MGST1: variants seen among roughly 807,000 people sequenced by gnomAD.
MGST1 encodes glutathione S-transferase 12.
Under a neutral mutation model 8.9 loss-of-function variants are expected in MGST1, and 5 were observed. The observed-to-expected ratio is 0.56, with a 90% confidence interval of 0.29 to 1.19. The LOEUF is 1.19. Ranked by LOEUF, MGST1 falls within the 50% of genes most tolerant of loss-of-function variation. The pLI, the probability that MGST1 is intolerant of heterozygous loss-of-function variation, is 0.08. For missense variants in MGST1, 182 were observed against 187.4 expected, an observed-to-expected ratio of 0.97 and a Z score of 0.17; for synonymous variants, 54 against 67.8, an observed-to-expected ratio of 0.80 and a Z score of 1.00.
chr12:16,499,411 T>G (rs963713164), intron 4 of MGST1, among the ~76,000 whole-genome samples: 4 of 152,188 alleles, frequency 2.6e-5, no homozygotes, highest in African/African-American at 4.8e-5. Flanking sequence ...CAGCACTGTG[T>G]GGGGAGCTTC....
At chr12:16,474,557 G>A (rs1223356278) in intron 4 of MGST1, among the ~76,000 whole-genome samples, 2 of 152,158 alleles carry the variant, frequency 1.3e-5, no homozygotes, top group Non-Finnish European at 2.9e-5. Flanking sequence ...ATTGTCTTAG[G>A]CCAGGTGGCT....
chr12:16,566,388 A>G (rs1223797581), intron 4 of MGST1, among the ~76,000 whole-genome samples: 1 of 151,982 alleles, frequency 6.6e-6, no homozygotes, highest in Admixed American at 6.6e-5. Flanking sequence ...TAAAATAGGT[A>G]GAAGAGAAGC....
At position 16,585,763 on chromosome 12, in the gene MGST1, A is replaced by G. The variant is rs1473440456; in HGVS notation, n.483-3765A>G. Among the ~76,000 whole-genome samples, 3 of 152,234 alleles carry G rather than the reference A, an allele frequency of 2.0e-5. No individual in the cohort carries two copies. Among genetic ancestry groups the G allele is most frequent in the Admixed American group, 6.5e-5 (1 of 15,280 alleles). On this transcript the variant is annotated intron_variant and non_coding_transcript_variant, in intron 4 of 4. Coordinates refer to the MGST1 transcript ENST00000538857. This position sits in a 1 kb window ranked among gnomAD's most constrained non-coding sequence, Gnocchi z 4.7. Reference sequence around the variant, plus strand: ...GGTGAGAAATTACAAAAGGCTGGAGAATCAATTAACATATATACTTCTAAA... The same window carrying G: ...GGTGAGAAATTACAAAAGGCTGGAGGATCAATTAACATATATACTTCTAAA...
At chr12:16,422,246 T>C (rs1306440611) in intron 1 of MGST1, among the ~76,000 whole-genome samples, 1 of 152,202 alleles carries the variant, frequency 6.6e-6, no homozygotes. Context: ...CTATAGTGTG[T>C]ATATGAATCT....
intron 4 of MGST1, among the ~76,000 whole-genome samples, chr12:16,568,869 T>G (rs2137414852): frequency 6.6e-6 from 1 of 152,326 alleles, no homozygotes; most frequent in Admixed American, 6.5e-5. Flanking sequence ...CAAAATTTTC[T>G]AACTGAAATC....
chr12:16,478,735 T>C (rs1941343471), intron 4 of MGST1, among the ~76,000 whole-genome samples: 1 of 152,096 alleles, frequency 6.6e-6, no homozygotes, highest in South Asian at 2.1e-4. Context: ...ATTTTGTCCT[T>C]ACCCCTCAAA....
intron 1 of MGST1, among the ~76,000 whole-genome samples, chr12:16,431,721 A>G (rs977204644): frequency 6.6e-6 from 1 of 152,182 alleles, no homozygotes. Flanking sequence ...GAGAATTATA[A>G]AAGTGTAACA....
rs1405747878 is a variant in MGST1, at chr12:16,555,988, C to G, written n.483-33540C>G. On this transcript the variant is annotated intron_variant and non_coding_transcript_variant, in intron 4 of 4. Coordinates refer to the MGST1 transcript ENST00000538857. This position sits in a 1 kb window ranked among gnomAD's most constrained non-coding sequence, Gnocchi z 5.5. ...GTATAGCTCTATTTAGCATCGATTA[C>G]ACTCTTCTGTGAGTCTTTGATGTCC... Among the ~76,000 whole-genome samples the G allele has an allele frequency of 2.6e-5, 4 of 152,154 alleles. No homozygotes were observed. Among genetic ancestry groups the G allele is most frequent in the African/African-American group, 9.7e-5 (4 of 41,436 alleles).
intron 4 of MGST1, among the ~76,000 whole-genome samples, chr12:16,543,580 CTATG>C (rs1055276699): frequency 2.0e-5 from 3 of 151,750 alleles, no homozygotes; most frequent in Non-Finnish European, 4.4e-5. Flanking sequence ...AACTTGAACA[CTATG>C]TATCAGACAT....
rs2137062748 is a variant in MGST1 at position 16,401,107 on chromosome 12, T to C, written n.778+17503T>C. On this transcript the variant is annotated intron_variant and non_coding_transcript_variant, in intron 1 of 1. Transcript: ENST00000359720. The surrounding 1 kb of genome is among the most constrained non-coding windows in gnomAD (Gnocchi z 4.3). ...TGCCTCATCTTTCTCCTCCTCCTCCTTTTCCTCATCTTCGTTCCTTAGGAA... is the reference window on the plus strand; with the variant it reads ...TGCCTCATCTTTCTCCTCCTCCTCCCTTTCCTCATCTTCGTTCCTTAGGAA... The C allele has an allele frequency of 6.3e-7, 1 of 1,582,142 alleles. No homozygotes were observed. The highest frequency in any genetic ancestry group is 1.1e-5 in the South Asian group (1 of 90,362).
chr12:16,479,117 T>C (rs1941346085), intron 4 of MGST1, among the ~76,000 whole-genome samples: 1 of 152,066 alleles, frequency 6.6e-6, no homozygotes, highest in South Asian at 2.1e-4. Flanking sequence ...CAGTATAGTA[T>C]AGGAGTATGT....
chr12:16,506,812 A>G (rs546719808), intron 4 of MGST1, among the ~76,000 whole-genome samples: 1 of 152,354 alleles, frequency 6.6e-6, no homozygotes, highest in South Asian at 2.1e-4. Context: ...CAATTTCAGC[A>G]TGTTATCTAG....
At chr12:16,357,439 T>TA in intron 2 of MGST1, 166 bp from the exon 3 acceptor site, 1 of 558,712 alleles carries the variant, frequency 1.8e-6, no homozygotes, top group Non-Finnish European at 3.1e-6. Context: ...AAATTTTTTT[T>TA]AAAAAAATTT....
intron 4 of MGST1, among the ~76,000 whole-genome samples, chr12:16,538,622 T>C (rs1941772073): frequency 6.6e-6 from 1 of 151,062 alleles, no homozygotes; most frequent in African/African-American, 2.4e-5. Flanking sequence ...TTTTTTTTTT[T>C]TTTTGAGACA....
chr12:16,573,114 C>A (rs1249841366), intron 4 of MGST1, among the ~76,000 whole-genome samples: 2 of 151,608 alleles, frequency 1.3e-5, no homozygotes, highest in African/African-American at 2.4e-5. Context: ...TAGGAGTAAG[C>A]CACTCAGTCA....
At chr12:16,583,416 T>C (rs1305697865) in intron 4 of MGST1, among the ~76,000 whole-genome samples, 3 of 152,152 alleles carry the variant, frequency 2.0e-5, no homozygotes, top group Non-Finnish European at 4.4e-5. Flanking sequence ...CAGCCATATG[T>C]TGACAGTCAA....
intron 3 of MGST1, among the ~76,000 whole-genome samples, chr12:16,358,812 G>C (rs1277534835): frequency 1.5e-5 from 1 of 68,044 alleles, no homozygotes; most frequent in East Asian, 6.3e-4. Flanking sequence ...TTTTTTTACA[G>C]CTGTGTAGTA....
chr12:16,492,243 GA>G (rs1941444026), intron 4 of MGST1, among the ~76,000 whole-genome samples: 1 of 152,076 alleles, frequency 6.6e-6, no homozygotes, highest in South Asian at 2.1e-4. Context: ...TCTTGCACCT[GA>G]AAAATAGTCA....
At chr12:16,506,904 T>A (rs1237040357) in intron 4 of MGST1, among the ~76,000 whole-genome samples, 1 of 152,206 alleles carries the variant, frequency 6.6e-6, no homozygotes, top group Non-Finnish European at 1.5e-5. Context: ...TCGGACAGGG[T>A]ACAAACAAGA....
Sources: allele counts gnomAD v4.1 joint callset (sites outside exome capture counted in the v4.1 genomes callset), GRCh38; gene constraint gnomAD v4.1.1; non-coding constraint Gnocchi (gnomAD v3.1); transcripts MANE v1.5; gene names NCBI Gene and HGNC (gene_info 2026-07-23, HGNC 2026-07-21).